Variants in CMIP observed in about 807,000 individuals in gnomAD.
CMIP encodes c-Maf inducing protein.
CMIP carries 13 observed loss-of-function variants against 97.3 expected under a neutral mutation model. The observed-to-expected ratio is 0.13, with a 90% CI of 0.09 to 0.21. The LOEUF is 0.21. CMIP is among the 10% of genes least tolerant of loss of function. The pLI is 1.00. For synonymous variants in CMIP, 538 were observed against 436.3 expected (o/e 1.23, Z -2.91); for missense variants, 847 against 1,024.9 (o/e 0.83, Z 2.37).
chr16:81,663,569 C>G (rs763485699), intron 6 of CMIP, among the ~76,000 whole-genome samples: 2 of 152,182 alleles, frequency 1.3e-5, no homozygotes, highest in African/African-American at 2.4e-5. Context: ...GGACATTAGA[C>G]ATTTGTCTAA....
intron 1 of CMIP, among the ~76,000 whole-genome samples, chr16:81,593,275 C>T (rs1236954799): frequency 2.0e-5 from 3 of 152,070 alleles, no homozygotes; most frequent in Non-Finnish European, 2.9e-5. Flanking sequence ...GTCTTTCTGT[C>T]GTCTTGATGA....
chr16:81,629,018 C>T (rs2092114359), intron 3 of CMIP, among the ~76,000 whole-genome samples: 1 of 151,554 alleles, frequency 6.6e-6, no homozygotes, highest in African/African-American at 2.4e-5. Context: ...GGCCTATAGT[C>T]CCAGCTACTC....
At chr16:81,678,054 G>T (rs1904449129) in intron 9 of CMIP, among the ~76,000 whole-genome samples, 1 of 152,198 alleles carries the variant, frequency 6.6e-6, no homozygotes, top group Admixed American at 6.5e-5. Context: ...GTAGAGACAG[G>T]CAACCTGGGT....
At chr16:81,465,682 C>G (rs537274217) in intron 1 of CMIP, among the ~76,000 whole-genome samples, 1 of 152,244 alleles carries the variant, frequency 6.6e-6, no homozygotes, top group African/African-American at 2.4e-5. Context: ...GTGAGAGGGC[C>G]TCTCTGGCTC....
chr16:81,474,221 G>T (rs914649336), intron 1 of CMIP, among the ~76,000 whole-genome samples: 7 of 152,072 alleles, frequency 4.6e-5, no homozygotes, highest in Non-Finnish European at 8.8e-5. Flanking sequence ...CCCGGGCTTG[G>T]AGAGGGCAAG....
At position 81,445,125 on chromosome 16, in the gene CMIP, C is replaced by T; in HGVS notation, c.-117C>T. ...CCTGCGGGCGCCCCCAGCCCCACAC[C>T]CCCCCACCTTCCCGGGGGGTGGGGG... On this transcript the variant is annotated 5_prime_UTR_variant, in exon 1 of 21. Coordinates refer to ENST00000537098, the MANE Select transcript of CMIP (RefSeq NM_198390.3). 1 of 482,952 alleles carries T rather than the reference C, an allele frequency of 2.1e-6. No individual in the cohort carries two copies. Among genetic ancestry groups the T allele is most frequent in the Non-Finnish European group, 3.4e-6 (1 of 295,884 alleles). 29.9% of individuals were successfully genotyped at this position (482,952 alleles called of 1,614,324 possible). A position where few individuals can be genotyped will look rare whatever the true frequency, so the allele number is the denominator to read the frequency against.
At position 81,568,528 on chromosome 16, in the gene CMIP, G is replaced by A. The variant is rs2091025446; in HGVS notation, c.301-39039G>A. ...CTCTGTGCCAGGCAGGAGCTCCAGG[G>A]ACTAGGGGTGACCCAAGAGTGAAGG... On this transcript the variant is annotated intron_variant, in intron 1 of 20. Coordinates refer to ENST00000537098, the MANE Select transcript of CMIP (RefSeq NM_198390.3). Among the ~76,000 whole-genome samples the A allele has an allele frequency of 2.0e-5, 3 of 152,360 alleles. No individual in the cohort carries two copies. The South Asian group carries it at 6.2e-4, about 32-fold the overall frequency.
intron 2 of CMIP, among the ~76,000 whole-genome samples, chr16:81,609,299 C>T (rs1402701979): frequency 6.6e-6 from 1 of 152,116 alleles, no homozygotes; most frequent in Admixed American, 6.5e-5. Flanking sequence ...TCCTCTGCCT[C>T]TTCACTCGCT....
intron 17 of CMIP, 44 bp downstream of exon 17, chr16:81,702,713 G>A (rs1907557167): frequency 6.3e-7 from 1 of 1,584,116 alleles, no homozygotes; most frequent in Admixed American, 1.7e-5. Context: ...GAGAAGGTGG[G>A]TTGGTCCTCT....
At position 81,691,776 on chromosome 16, in the gene CMIP, T is replaced by G. The variant is rs751238887; in HGVS notation, c.1390T>G (p.Ser464Ala). The G allele has an allele frequency of 1.2e-6, 2 of 1,613,454 alleles. No individual in the cohort carries two copies. The highest frequency in any genetic ancestry group is 2.2e-5 in the South Asian group (2 of 91,026). The stretch of plus-strand genomic sequence containing the variant: ...GACTGTCACCCTCTCTCATTCTAGG[T>G]CAGACTATGATGACTGGAGACCGTC... ...GCYVEILKLL[S>A]DYDDWRPSLA... The change falls in exon 11 of 21, where the codon TCA (serine) becomes GCA (alanine). Residue 464 changes from serine (S) to alanine (A), a missense_variant and splice_region_variant. Ser to Ala is a moderately conservative substitution (Grantham distance 99, BLOSUM62 1). Transcript: ENST00000537098.
At chr16:81,557,448 CAAT>C (rs1416317640) in intron 1 of CMIP, among the ~76,000 whole-genome samples, 1 of 151,968 alleles carries the variant, frequency 6.6e-6, no homozygotes, top group Admixed American at 6.6e-5. Context: ...AATTGACAAA[CAAT>C]AGTTGTATGT....
chr16:81,679,305 G>A (rs1440086495), intron 10 of CMIP, among the ~76,000 whole-genome samples: 2 of 152,128 alleles, frequency 1.3e-5, no homozygotes, highest in East Asian at 3.8e-4. Flanking sequence ...GGTGTGTCTA[G>A]GCACTTGGGC....
chr16:81,630,206 G>A (rs2092135945), intron 3 of CMIP: 2 of 152,210 alleles, frequency 1.3e-5, no homozygotes, highest in Non-Finnish European at 2.9e-5. Flanking sequence ...AATAGCACCT[G>A]CCATGTGGTA....
Position 81,613,510 on chromosome 16 carries a change from TC to T in CMIP, c.426+5819del, listed in dbSNP as rs1202199048. Among the ~76,000 whole-genome samples the T allele has an allele frequency of 4.4e-3, 674 of 152,312 alleles. 7 individuals carry two copies. Among genetic ancestry groups the T allele is most frequent in the African/African-American group, 0.015 (639 of 41,560 alleles). Reference sequence around the variant, plus strand: ...GGAACCCTAAACAGCAGGAAGAACCTCTCTGGGGCTCATTTAATTTATCTGT... The same window carrying T: ...GGAACCCTAAACAGCAGGAAGAACCTTCTGGGGCTCATTTAATTTATCTGT... On this transcript the variant is annotated intron_variant, in intron 2 of 20. Coordinates refer to ENST00000537098, the MANE Select transcript of CMIP (RefSeq NM_198390.3).
At chr16:81,606,818 G>A (rs1464968616) in intron 1 of CMIP, 2 of 154,614 alleles carry the variant, frequency 1.3e-5, no homozygotes, top group Non-Finnish European at 2.9e-5. Flanking sequence ...TGGGTCATGA[G>A]TCTAGAGGGT....
chr16:81,500,499 T>C (rs1430731442), intron 1 of CMIP, among the ~76,000 whole-genome samples: 1 of 144,942 alleles, frequency 6.9e-6, no homozygotes, highest in Admixed American at 6.8e-5. Flanking sequence ...TTCTTTCTTT[T>C]TTTTTTTTGA....
At chr16:81,504,858 A>C (rs62046579) in intron 1 of CMIP, among the ~76,000 whole-genome samples, 30,819 of 152,080 alleles carry the variant, frequency 0.2, 3,801 homozygotes, top group Admixed American at 0.32. Context: ...ATTCCAATGA[A>C]ATTTTCATTA....
chr16:81,504,530 C>A (rs928528164), intron 1 of CMIP, among the ~76,000 whole-genome samples: 56 of 137,230 alleles, frequency 4.1e-4, no homozygotes, highest in African/African-American at 1.5e-3. Flanking sequence ...GTAATCCCAG[C>A]TACTCGGGAG....
chr16:81,481,259 A>G (rs2150756496), intron 1 of CMIP, among the ~76,000 whole-genome samples: 1 of 152,178 alleles, frequency 6.6e-6, no homozygotes. Context: ...GGTGGTACGG[A>G]TTGTTGTGTC....
Sources: gnomAD v4.1 joint callset for allele counts (sites outside exome capture counted in the v4.1 genomes callset) on GRCh38, gnomAD v4.1.1 for gene constraint, MANE v1.5 for transcripts, NCBI Gene and HGNC (gene_info 2026-07-23, HGNC 2026-07-21) for gene names.